SETD5: variants seen among roughly 807,000 people sequenced by gnomAD.
SETD5 encodes SET domain containing 5, also known as histone-lysine N-methyltransferase SETD5.
Under a neutral mutation model 153.3 loss-of-function variants are expected in SETD5, and 44 were observed. The observed-to-expected ratio is 0.29, with a 90% CI of 0.23 to 0.37. The LOEUF is 0.37. SETD5 is among the 10% of genes least tolerant of loss of function. SETD5 has a pLI of 1.00. For synonymous variants in SETD5, 716 were observed against 645.2 expected (o/e 1.11, Z -1.66); for missense variants, 1,544 against 1,768.0 (o/e 0.87, Z 2.27).
chr3:9,430,288 G>C, intron 3 of SETD5: 1 of 984,356 alleles, frequency 1.0e-6, no homozygotes, highest in Non-Finnish European at 1.2e-6. Flanking sequence ...AAGACTTAAA[G>C]CTACCCTGAG....
chr3:9,417,461 T>C (rs965080155), intron 1 of SETD5, among the ~76,000 whole-genome samples: 2 of 152,146 alleles, frequency 1.3e-5, no homozygotes, highest in African/African-American at 4.8e-5. Context: ...TCCTGTCTTT[T>C]AGTAAATCAG....
At chr3:9,474,236 C>G (rs1221643042) in intron 20 of SETD5, among the ~76,000 whole-genome samples, 1 of 152,036 alleles carries the variant, frequency 6.6e-6, no homozygotes, top group African/African-American at 2.4e-5. Flanking sequence ...CCACTTTTTC[C>G]TTGATTTCTT....
chr3:9,403,094 G>C (rs984538665), intron 1 of SETD5, among the ~76,000 whole-genome samples: 3 of 152,124 alleles, frequency 2.0e-5, no homozygotes, highest in African/African-American at 4.8e-5. Context: ...AAGGCAAGAG[G>C]AGGAGGTTCT....
At position 9,476,718 on chromosome 3, in the gene SETD5, G is replaced by T. The variant is rs1399450173; in HGVS notation, c.*627G>T. 1 of 152,540 alleles carries T rather than the reference G, an allele frequency of 6.6e-6. No individual in the cohort carries two copies. Among genetic ancestry groups the T allele is most frequent in the African/African-American group, 2.4e-5 (1 of 41,424 alleles). 9.4% of individuals were successfully genotyped at this position (152,540 alleles called of 1,614,324 possible). On this transcript the variant is annotated 3_prime_UTR_variant, in exon 23 of 23. Coordinates refer to ENST00000402198, the MANE Select transcript of SETD5 (RefSeq NM_001080517.3). ...GCTTGGAACCTGCACCAACTGGAGG[G>T]TGCCTGGCTCTTTGAAGAAAAGCTC...
chr3:9,398,615 G>A (rs2034164674), intron 1 of SETD5: 1 of 152,264 alleles, frequency 6.6e-6, no homozygotes, highest in South Asian at 2.1e-4. Flanking sequence ...GTTCGAGCCT[G>A]GAGTTGAGCC....
At position 9,447,793 on chromosome 3, in the gene SETD5, A is replaced by G; in HGVS notation, c.1890A>G (p.Leu630=). The change falls in exon 15 of 23, where the codon CTA becomes CTG. Residue 630 remains leucine, a synonymous_variant. Transcript: ENST00000402198. Reference sequence around the variant, plus strand: ...ACAGGACCAGTTCAGCCCAAAGACTAAAGCGTCAGAAGCAGGCCAATGCAC... The same window carrying G: ...ACAGGACCAGTTCAGCCCAAAGACTGAAGCGTCAGAAGCAGGCCAATGCAC... The part of the protein sequence containing the change: ...SRYRTSSAQR[L]KRQKQANAQQ... The G allele has an allele frequency of 1.2e-6, 2 of 1,614,022 alleles. No individual in the cohort carries two copies. The highest frequency in any genetic ancestry group is 1.1e-5 in the South Asian group (1 of 91,080).
Position 9,476,320 on chromosome 3 carries a change from T to TCAAGGGTA in SETD5, c.*232_*239dup. ...ACTATAAAGAAGTTTCTCCCTGCTG[T>TCAAGGGTA]CAAGGGTACATTGTTGACAAGCAAA... On this transcript the variant is annotated 3_prime_UTR_variant, in exon 23 of 23. Coordinates refer to ENST00000402198, the MANE Select transcript of SETD5 (RefSeq NM_001080517.3). The TCAAGGGTA allele has an allele frequency of 1.8e-6, 1 of 569,764 alleles. No individual in the cohort carries two copies. Among genetic ancestry groups the TCAAGGGTA allele is most frequent in the South Asian group, 2.3e-5 (1 of 43,840 alleles). 35.3% of individuals were successfully genotyped at this position (569,764 alleles called of 1,614,324 possible).
intron 2 of SETD5, among the ~76,000 whole-genome samples, chr3:9,428,307 G>A (rs143693310): frequency 3.3e-5 from 5 of 152,282 alleles, no homozygotes; most frequent in African/African-American, 1.2e-4. Flanking sequence ...CTAAGAAACA[G>A]CTGTTTCCAA....
rs1323265992 is a variant in SETD5 at position 9,445,648 on chromosome 3, A to G, written c.1441-9A>G. 1.2e-6 allele frequency: 2 copies of G among 1,610,956 alleles called. No individual in the cohort carries two copies. Among genetic ancestry groups the G allele is most frequent in the East Asian group, 2.2e-5 (1 of 44,834 alleles). ...TTGAGTACAGCTGAATATTGCCTCTATCTTAAAGGAAGTAGACAATCCAGA... is the reference window on the plus strand; with the variant it reads ...TTGAGTACAGCTGAATATTGCCTCTGTCTTAAAGGAAGTAGACAATCCAGA... On this transcript the variant is annotated splice_polypyrimidine_tract_variant and intron_variant, in intron 12 of 22. Coordinates refer to ENST00000402198, the MANE Select transcript of SETD5 (RefSeq NM_001080517.3).
chr3:9,450,903 A>C (rs532899868), intron 16 of SETD5, among the ~76,000 whole-genome samples: 2 of 152,188 alleles, frequency 1.3e-5, no homozygotes, highest in Non-Finnish European at 2.9e-5. Flanking sequence ...TTATTCTGCA[A>C]CTTCTGAAAA....
At position 9,445,713 on chromosome 3, in the gene SETD5, C is replaced by A; in HGVS notation, c.1497C>A (p.Asp499Glu). The A allele has an allele frequency of 6.2e-7, 1 of 1,613,170 alleles. No homozygotes were observed. Among genetic ancestry groups the A allele is most frequent in the South Asian group, 1.1e-5 (1 of 90,992 alleles). Residue 499 changes from aspartate (D) to glutamate (E), a missense_variant, in exon 13 of 23, where the codon GAC (aspartate) becomes GAA (glutamate). Asp to Glu is a conservative substitution (Grantham distance 45). This residue lies in a region of SETD5 where 782 missense variants were observed against 787.2 expected (regional missense o/e 0.99). Coordinates refer to ENST00000402198, the MANE Select transcript of SETD5 (RefSeq NM_001080517.3). ...AAGAGAAAGAAGAGGTTATAGATGA[C>A]CAGGAGAACCTAGCTCATAGCAGGA... ...PEEEKEEVID[D>E]QENLAHSRRT...
intron 17 of SETD5, among the ~76,000 whole-genome samples, chr3:9,458,737 C>G (rs983554183): frequency 2.0e-5 from 3 of 152,166 alleles, no homozygotes; most frequent in African/African-American, 7.2e-5. Flanking sequence ...AGTAATATCC[C>G]TGCTAGCAAT....
chr3:9,468,329 A>C (rs1040734286), intron 18 of SETD5, among the ~76,000 whole-genome samples: 1 of 152,164 alleles, frequency 6.6e-6, no homozygotes, highest in African/African-American at 2.4e-5. Flanking sequence ...ACCAGGAAGC[A>C]TTTTAACAAG....
At chr3:9,445,789 C>T in intron 13 of SETD5, 49 bp downstream of exon 13, 1 of 1,363,856 alleles carries the variant, frequency 7.3e-7, no homozygotes. Flanking sequence ...CTGCTACCTC[C>T]ATCATGTGAA....
intron 3 of SETD5, chr3:9,431,048 G>A: frequency 1.0e-6 from 1 of 985,402 alleles, no homozygotes; most frequent in Non-Finnish European, 1.2e-6. Context: ...CTATTTCGCT[G>A]TTCTGGGCAC....
rs2125580802 is a variant in SETD5 at position 9,470,923 on chromosome 3, GA to G, written c.3195del (p.Val1066TyrfsTer78). On this transcript the variant is annotated frameshift_variant, in exon 19 of 23. Transcript: ENST00000402198. LOFTEE classifies it high-confidence loss of function. ...CTGCCCCCCAGAACCCACCACAGAG[GA>G]AAAAAGTAAGTGTTTCATGTTATAT... ...PSAPQNPPQR[K>X]KVSLLEYRKR... 6.5e-7 allele frequency: 1 copy of G among 1,546,034 alleles called. No homozygotes were observed.
intron 9 of SETD5, 125 bp downstream of exon 9, chr3:9,441,866 C>T (rs1023258858): frequency 8.7e-7 from 1 of 1,152,964 alleles, no homozygotes; most frequent in African/African-American, 1.6e-5. Flanking sequence ...GATAAGCTCA[C>T]ACCTGTCTGC....
intron 17 of SETD5, among the ~76,000 whole-genome samples, chr3:9,458,390 AAGGATCACTT>A (rs1267815378): frequency 6.6e-6 from 1 of 152,164 alleles, no homozygotes; most frequent in African/African-American, 2.4e-5. Flanking sequence ...GCCAAGGCAG[AAGGATCACTT>A]GAGGCCAGGA....
At chr3:9,418,199 C>T (rs1260938637) in intron 1 of SETD5, among the ~76,000 whole-genome samples, 2 of 139,078 alleles carry the variant, frequency 1.4e-5, no homozygotes, top group Non-Finnish European at 2.9e-5. Flanking sequence ...CCTCCCGCCT[C>T]GGCTTCCCAA....
Sources: allele counts gnomAD v4.1 joint callset (sites outside exome capture counted in the v4.1 genomes callset), GRCh38; gene constraint gnomAD v4.1.1; regional missense constraint gnomAD v4.1.1; transcripts MANE v1.5; gene names NCBI Gene and HGNC (gene_info 2026-07-23, HGNC 2026-07-21).